Variants in CAND2 observed in about 807,000 individuals in gnomAD.
The protein encoded by CAND2 is cullin associated and neddylation dissociated 2 (putative), also known as cullin-associated NEDD8-dissociated protein 2.
CAND2 carries 62 observed loss-of-function variants against 98.9 expected under a neutral mutation model. The ratio of observed to expected loss-of-function variants is 0.63; its 90% confidence interval spans 0.51 to 0.77. The LOEUF (loss-of-function observed/expected upper bound fraction) is 0.77. Ranked by LOEUF, CAND2 falls within the 30% of genes least tolerant of loss-of-function variation. CAND2 has a pLI of 0.00. For synonymous variants in CAND2, 770 were observed against 731.9 expected (o/e 1.05, Z -0.84); for missense variants, 1,501 against 1,655.2 (o/e 0.91, Z 1.62).
intron 13 of CAND2, among the ~76,000 whole-genome samples, chr3:12,829,182 A>C (rs138582269): frequency 4.6e-4 from 70 of 152,272 alleles, no homozygotes; most frequent in African/African-American, 1.7e-3. Context: ...GTCTCACTTT[A>C]TGGCCCAGGC....
At position 12,813,021 on chromosome 3, in the gene CAND2, G is replaced by T; in HGVS notation, c.789G>T (p.Val263=). The T allele has an allele frequency of 6.3e-7, 1 of 1,581,500 alleles. No individual in the cohort carries two copies. The highest frequency in any genetic ancestry group is 8.6e-7 in the Non-Finnish European group (1 of 1,164,822). The change falls in exon 6 of 15, where the codon GTG becomes GTT. Residue 263 remains valine (V), a synonymous_variant. Transcript: ENST00000456430. ...ACCTGGACCGCCTGGTGCCCCTGGT[G>T]GAGGATTTCTGCAACCTGGATGATG... ...GAHLDRLVPL[V]EDFCNLDDDE...
chr3:12,813,792 C>G (rs911484909), intron 7 of CAND2, among the ~76,000 whole-genome samples: 1 of 152,188 alleles, frequency 6.6e-6, no homozygotes, highest in African/African-American at 2.4e-5. Context: ...GAGATAATGT[C>G]TTTAACCCAG....
At position 12,796,807 on chromosome 3, in the gene CAND2, C is replaced by A. The variant is rs369587758; in HGVS notation, c.68+19C>A. 7.2e-4 allele frequency: 1,128 copies of A among 1,561,984 alleles called. 1 individual carries two copies. The highest frequency in any genetic ancestry group is 9.4e-4 in the Non-Finnish European group (1,084 of 1,150,682). On this transcript the variant is annotated intron_variant, in intron 1 of 14. Transcript: ENST00000456430. ...ACTTCAGGTGCAGCCCGCCGCCGGC[C>A]CCCTTCTCTCCTTCCCGCTCTGAAG...
chr3:12,821,335 G>C (rs1367667657), intron 11 of CAND2, among the ~76,000 whole-genome samples: 1 of 152,154 alleles, frequency 6.6e-6, no homozygotes, highest in Admixed American at 6.5e-5. Flanking sequence ...GGGAGGCAGA[G>C]GTTGCAGTGA....
At chr3:12,831,996 C>G (rs1327872595) in intron 14 of CAND2, among the ~76,000 whole-genome samples, 2 of 152,208 alleles carry the variant, frequency 1.3e-5, no homozygotes, top group African/African-American at 4.8e-5. Context: ...ACTGGAGTGC[C>G]TGAAGGGTCT....
At position 12,803,599 on chromosome 3, in the gene CAND2, G is replaced by A; in HGVS notation, c.180G>A (p.Lys60=). The A allele has an allele frequency of 6.2e-7, 1 of 1,612,736 alleles. No individual in the cohort carries two copies. Among genetic ancestry groups the A allele is most frequent in the Middle Eastern group, 1.7e-4 (1 of 6,056 alleles). Residue 60 remains lysine (K), a synonymous_variant, in exon 2 of 15, where the codon AAG becomes AAA. Transcript: ENST00000456430. ...VKMLLRLLED[K]NGEVQNLAVK... ...TGCTGCTCCGGCTCCTGGAGGACAAGAACGGTGAGGTGCAGAACCTGGCTG... is the reference window on the plus strand; with the variant it reads ...TGCTGCTCCGGCTCCTGGAGGACAAAAACGGTGAGGTGCAGAACCTGGCTG...
At chr3:12,833,531 C>G (rs997179162) in intron 14 of CAND2, among the ~76,000 whole-genome samples, 3 of 152,150 alleles carry the variant, frequency 2.0e-5, no homozygotes, top group East Asian at 3.8e-4. Context: ...TGTACTCAAG[C>G]TGATTTGAAT....
At chr3:12,829,335 CAG>C (rs1230810239) in intron 13 of CAND2, among the ~76,000 whole-genome samples, 1 of 152,016 alleles carries the variant, frequency 6.6e-6, no homozygotes, top group African/African-American at 2.4e-5. Context: ...TTAGTAGAGA[CAG>C]GGTTTCGCCA....
chr3:12,833,616 G>A, intron 14 of CAND2, 139 bp from the exon 15 acceptor site: 2 of 686,330 alleles, frequency 2.9e-6, no homozygotes, highest in Non-Finnish European at 5.1e-6. Context: ...TGGTGAGACA[G>A]AAGCCTCAGG....
At chr3:12,822,386 A>G (rs1456376411) in intron 11 of CAND2, among the ~76,000 whole-genome samples, 1 of 148,890 alleles carries the variant, frequency 6.7e-6, no homozygotes, top group African/African-American at 2.5e-5. Context: ...CCTGCCTCTC[A>G]GGCTCAAGCA....
chr3:12,812,096 A>G (rs531291732), intron 5 of CAND2, among the ~76,000 whole-genome samples: 8 of 149,502 alleles, frequency 5.4e-5, no homozygotes, highest in African/African-American at 2.0e-4. Context: ...TTTAGTAGAG[A>G]TGGAGTTTCA....
intron 13 of CAND2, among the ~76,000 whole-genome samples, chr3:12,830,673 C>T (rs1413778959): frequency 6.6e-6 from 1 of 152,190 alleles, no homozygotes; most frequent in Non-Finnish European, 1.5e-5. Flanking sequence ...AGCTTTGCGT[C>T]ATCAAGTCTT....
At position 12,816,884 on chromosome 3, in the gene CAND2, C is replaced by T. The variant is rs1484711906; in HGVS notation, c.1952C>T (p.Ala651Val). Reference sequence around the variant, plus strand: ...CAGCTTGACCTACAGCCCATCCTGGCCGAGGCACTGCACATTCTGGCCTCA... The same window carrying T: ...CAGCTTGACCTACAGCCCATCCTGGTCGAGGCACTGCACATTCTGGCCTCA... ...PLQLDLQPIL[A>V]EALHILASFL... The change falls in exon 10 of 15, where the codon GCC (alanine) becomes GTC (valine). Residue 651 changes from alanine to valine, a missense_variant. Ala to Val is a moderately conservative substitution (Grantham distance 64, BLOSUM62 0). Around this residue, in one of 3 missense-constraint regions of CAND2, gnomAD observed 1,427 missense variants for 1,545.3 expected, o/e 0.92. Transcript: ENST00000456430. 1.2e-6 allele frequency: 2 copies of T among 1,613,768 alleles called. No homozygotes were observed. The highest frequency in any genetic ancestry group is 2.7e-5 in the African/African-American group (2 of 74,932).
chr3:12,826,987 T>C (rs1005116183), intron 12 of CAND2, among the ~76,000 whole-genome samples: 19 of 152,024 alleles, frequency 1.2e-4, no homozygotes, highest in Admixed American at 7.9e-4. Context: ...CGTGCCACCA[T>C]GCCCGGCTAA....
chr3:12,831,764 GA>G (rs1194417553), intron 14 of CAND2, among the ~76,000 whole-genome samples, 192 bp downstream of exon 14: 21 of 152,228 alleles, frequency 1.4e-4, no homozygotes, highest in African/African-American at 4.3e-4. Context: ...GAGGCTTTGA[GA>G]AGTTGTTATT....
In CAND2 at chr3:12,815,529, TC is replaced by T; in HGVS notation, c.1299+98del. The T allele has an allele frequency of 1.2e-6, 1 of 829,962 alleles. No individual in the cohort carries two copies. The highest frequency in any genetic ancestry group is 1.7e-6 in the Non-Finnish European group (1 of 582,604). The allele number at this position is 829,962 out of a possible 1,614,324, so 51.4% of individuals were successfully genotyped here. On this transcript the variant is annotated intron_variant, in intron 8 of 14. Coordinates refer to ENST00000456430, the MANE Select transcript of CAND2 (RefSeq NM_001162499.2). This position sits in a 1 kb window ranked among gnomAD's most constrained non-coding sequence, Gnocchi z 5.7. ...ACTTGGAAACTCAGCTGGGAGAACA[TC>T]CAGCCATGGAAGGGAAGGGAAGGGG... is the stretch of plus-strand genomic sequence containing the variant.
rs150389970 is a variant in CAND2, at chr3:12,806,152, C to T, written c.213-1154C>T. 4.9e-3 allele frequency among the ~76,000 whole-genome samples: 739 copies of T among 152,138 alleles called. 3 individuals carry two copies. Among genetic ancestry groups the T allele is most frequent in the Middle Eastern group, 0.024 (7 of 294 alleles). ...TTCAAGACCAGCCTGGGCAACATAG[C>T]GAGACACTGAAAAAAGAAATTAGCC... On this transcript the variant is annotated intron_variant, in intron 2 of 14. Coordinates refer to ENST00000456430, the MANE Select transcript of CAND2 (RefSeq NM_001162499.2).
chr3:12,818,729 C>T (rs2061930241), intron 10 of CAND2, among the ~76,000 whole-genome samples: 1 of 152,220 alleles, frequency 6.6e-6, no homozygotes, highest in African/African-American at 2.4e-5. Context: ...GTAATTAATA[C>T]TGAGTAAATC....
Position 12,817,806 on chromosome 3 carries a change from G to A in CAND2, c.2874G>A (p.Glu958=), listed in dbSNP as rs953049317. ...AGGGCACCCGGGGGGTGGTGGCCGA[G>A]TGCATTGGGAAGCTGGTCCTTGTGA... is the stretch of plus-strand genomic sequence containing the variant. ...AEEGTRGVVA[E]CIGKLVLVNP... is the part of the protein sequence containing the mutation. Residue 958 remains glutamate, a synonymous_variant, in exon 10 of 15, where the codon GAG becomes GAA. Transcript: ENST00000456430. The A allele has an allele frequency of 9.2e-6, 14 of 1,526,484 alleles. No individual in the cohort carries two copies. The highest frequency in any genetic ancestry group is 2.2e-5 in the Admixed American group (1 of 45,428). The allele number at this position is 1,526,484 out of a possible 1,614,324, so 94.6% of individuals were successfully genotyped here.
Sources: gnomAD v4.1 joint callset for allele counts (sites outside exome capture counted in the v4.1 genomes callset) on GRCh38, gnomAD v4.1.1 for gene constraint, gnomAD v4.1.1 regional missense constraint, Gnocchi (gnomAD v3.1) non-coding constraint, MANE v1.5 for transcripts, NCBI Gene and HGNC (gene_info 2026-07-23, HGNC 2026-07-21) for gene names.